The following TRPC4 variants were observed in gnomAD, a reference collection of about 807,000 sequenced individuals.
TRPC4 encodes the protein transient receptor potential cation channel subfamily C member 4.
In TRPC4, 49 loss-of-function variants were observed where a neutral mutation model predicts 99.4. The observed-to-expected ratio is 0.49, with a 90% CI of 0.39 to 0.63. TRPC4 has a LOEUF of 0.63. TRPC4 is among the 20% of genes least tolerant of loss of function. The pLI is 0.00. For missense variants in TRPC4, 898 were observed against 1,152.9 expected (o/e 0.78, Z 3.20); for synonymous variants, 454 against 425.9 (o/e 1.07, Z -0.81).
At chr13:37,657,885 T>G (rs1358707921) in intron 6 of TRPC4, among the ~76,000 whole-genome samples, 1 of 152,176 alleles carries the variant, frequency 6.6e-6, no homozygotes. Flanking sequence ...TTTTCCTTCT[T>G]TTAGTGGAAT....
At chr13:37,685,213 G>A (rs372366295) in intron 4 of TRPC4, among the ~76,000 whole-genome samples, 19 of 152,222 alleles carry the variant, frequency 1.2e-4, no homozygotes, top group African/African-American at 3.6e-4. Context: ...AAATAGAAGC[G>A]AAGAAGTCTT....
rs1252059795 is a variant in TRPC4 at position 37,693,206 on chromosome 13, AG to A, written c.898-872del. Among the ~76,000 whole-genome samples, 4 of 152,208 alleles carry A rather than the reference AG, an allele frequency of 2.6e-5. No individual in the cohort carries two copies. The East Asian group carries it at 7.7e-4, about 29-fold the overall frequency. On this transcript the variant is annotated intron_variant, in intron 3 of 10. Coordinates refer to ENST00000379705, the MANE Select transcript of TRPC4 (RefSeq NM_016179.4). ...CCTTTCTCATTGGGATTGTCAGTTA[AG>A]CAATATATGAATTAAGAGAAAATTG...
rs775364702 is a variant in TRPC4, at chr13:37,649,731, C to CAA, written c.2079+1532_2079+1533dup. ...TGGGCAACTGAGCGAGACTCCGTCTCAAAAAAAAAAAAAAAAAAAAAAAAA... is the reference window on the plus strand; with the variant it reads ...TGGGCAACTGAGCGAGACTCCGTCTCAAAAAAAAAAAAAAAAAAAAAAAAAAA... On this transcript the variant is annotated intron_variant, in intron 8 of 10. Transcript: ENST00000379705. Among the ~76,000 whole-genome samples the CAA allele has an allele frequency of 2.0e-3, 126 of 62,702 alleles. 3 individuals carry two copies. The highest frequency in any genetic ancestry group is 0.014 in the Middle Eastern group (1 of 72). 41.1% of individuals were successfully genotyped at this position (62,702 alleles called of 152,430 possible).
chr13:37,799,418 C>A lies in TRPC4; in HGVS notation c.-27-16058G>T, dbSNP rs924549695. Among the ~76,000 whole-genome samples the A allele has an allele frequency of 5.3e-5, 8 of 152,208 alleles. No individual in the cohort carries two copies. In the East Asian group the frequency reaches 5.8e-4, roughly 11 times the overall value. ...CTCTTCTTTTGTCAAATTCTAGAAACCCTCTTGACTGTCTACATTTTTTAT... is the reference window on the plus strand; with the variant it reads ...CTCTTCTTTTGTCAAATTCTAGAAAACCTCTTGACTGTCTACATTTTTTAT... On this transcript the variant is annotated intron_variant, in intron 1 of 10. Coordinates refer to ENST00000379705, the MANE Select transcript of TRPC4 (RefSeq NM_016179.4).
At chr13:37,840,826 A>G (rs2139636126) in intron 1 of TRPC4, among the ~76,000 whole-genome samples, 1 of 152,158 alleles carries the variant, frequency 6.6e-6, no homozygotes, top group South Asian at 2.1e-4. Context: ...ATCGGAAAAC[A>G]ATAAATTTTA....
At chr13:37,661,625 T>C (rs1384527973) in intron 6 of TRPC4, among the ~76,000 whole-genome samples, 8 of 152,186 alleles carry the variant, frequency 5.3e-5, no homozygotes, top group Admixed American at 2.0e-4. Context: ...AAGAAAGTTG[T>C]GAAAGAGCAT....
At position 37,764,766 on chromosome 13, in the gene TRPC4, T is replaced by C. The variant is rs373330406; in HGVS notation, c.378+18190A>G. Among the ~76,000 whole-genome samples, 4 of 151,216 alleles carry C rather than the reference T, an allele frequency of 2.6e-5. No individual in the cohort carries two copies. The East Asian group carries it at 5.9e-4, about 22-fold the overall frequency. ...TTGGTTTGCTAAAGTTTTTTTTGTT[T>C]TGTTTTGTTTTCCCCTATCATTGAT... is the stretch of plus-strand genomic sequence containing the variant. On this transcript the variant is annotated intron_variant, in intron 2 of 10. Coordinates refer to ENST00000379705, the MANE Select transcript of TRPC4 (RefSeq NM_016179.4).
chr13:37,653,852 G>A (rs868566162), intron 7 of TRPC4, among the ~76,000 whole-genome samples: 15 of 152,136 alleles, frequency 9.9e-5, no homozygotes, highest in Middle Eastern at 6.8e-3. Context: ...TGTTGCTGAC[G>A]TTCTGGAAAA....
At chr13:37,654,177 A>G (rs1952144467) in intron 7 of TRPC4, among the ~76,000 whole-genome samples, 1 of 152,152 alleles carries the variant, frequency 6.6e-6, no homozygotes. Context: ...TAAAATTCAG[A>G]GTTTTGCTTG....
intron 1 of TRPC4, among the ~76,000 whole-genome samples, chr13:37,831,028 C>T (rs917810218): frequency 1.1e-4 from 16 of 149,186 alleles, no homozygotes; most frequent in African/African-American, 4.1e-4. Context: ...ATAAGATTTG[C>T]AAATATTTTC....
At chr13:37,827,587 G>C (rs1478383258) in intron 1 of TRPC4, among the ~76,000 whole-genome samples, 1 of 152,120 alleles carries the variant, frequency 6.6e-6, no homozygotes, top group Non-Finnish European at 1.5e-5. Context: ...GCTGCTCGGG[G>C]GTCAGGGGTC....
chr13:37,831,256 A>G (rs1489202752), intron 1 of TRPC4, among the ~76,000 whole-genome samples: 1 of 152,234 alleles, frequency 6.6e-6, no homozygotes, highest in Admixed American at 6.5e-5. Flanking sequence ...AAAAGAAGAC[A>G]TACAAATAAA....
At chr13:37,815,135 T>A (rs539422322) in intron 1 of TRPC4, among the ~76,000 whole-genome samples, 2 of 151,910 alleles carry the variant, frequency 1.3e-5, no homozygotes, top group Non-Finnish European at 2.9e-5. Context: ...TGAAAAAGAA[T>A]GAAGTTGGAC....
chr13:37,794,265 T>C (rs1957195869), intron 1 of TRPC4, among the ~76,000 whole-genome samples: 1 of 152,116 alleles, frequency 6.6e-6, no homozygotes, highest in Admixed American at 6.6e-5. Flanking sequence ...TAAACATTCA[T>C]CACAAAATAA....
intron 3 of TRPC4, among the ~76,000 whole-genome samples, chr13:37,740,495 A>G (rs1245032498): frequency 6.6e-6 from 1 of 152,216 alleles, no homozygotes; most frequent in East Asian, 1.9e-4. Context: ...TGATATACAG[A>G]CAAGTAGGGT....
intron 3 of TRPC4, among the ~76,000 whole-genome samples, chr13:37,742,567 G>A (rs1416029711): frequency 6.6e-6 from 1 of 152,136 alleles, no homozygotes; most frequent in Non-Finnish European, 1.5e-5. Flanking sequence ...AGAGTCTATG[G>A]AGGGGTTTGC....
chr13:37,673,187 C>A (rs1051515147), intron 5 of TRPC4, among the ~76,000 whole-genome samples: 6 of 148,734 alleles, frequency 4.0e-5, no homozygotes, highest in African/African-American at 1.5e-4. Flanking sequence ...TGAGTGAGAA[C>A]ATGCGGTGTT....
At chr13:37,852,092 G>A (rs933343473) in intron 1 of TRPC4, among the ~76,000 whole-genome samples, 1 of 152,124 alleles carries the variant, frequency 6.6e-6, no homozygotes, top group Non-Finnish European at 1.5e-5. Flanking sequence ...CTAGTGCTAG[G>A]CTGGACTCAG....
chr13:37,734,577 G>A (rs570409706), intron 3 of TRPC4, among the ~76,000 whole-genome samples: 1 of 152,170 alleles, frequency 6.6e-6, no homozygotes, highest in South Asian at 2.1e-4. Flanking sequence ...TTGAGATGAT[G>A]GATATGCTAA....
Sources: gnomAD v4.1 joint callset for allele counts (sites outside exome capture counted in the v4.1 genomes callset) on GRCh38, gnomAD v4.1.1 for gene constraint, MANE v1.5 for transcripts, NCBI Gene and HGNC (gene_info 2026-07-23, HGNC 2026-07-21) for gene names.